The following SCNN1B variants were observed in gnomAD, a reference collection of about 807,000 sequenced individuals.
SCNN1B encodes sodium channel epithelial 1 subunit beta.
SCNN1B carries 46 observed loss-of-function variants against 65.3 expected under a neutral mutation model. That is an observed-to-expected ratio of 0.70 (90% CI 0.56 to 0.90). SCNN1B has a LOEUF of 0.90. Ranked by LOEUF, SCNN1B falls within the 40% of genes least tolerant of loss-of-function variation. SCNN1B has a pLI of 0.00. For synonymous variants in SCNN1B, 349 were observed against 330.6 expected, an observed-to-expected ratio of 1.06 and a Z score of -0.60; for missense variants, 751 against 830.5, an observed-to-expected ratio of 0.90 and a Z score of 1.18.
intron 1 of SCNN1B, among the ~76,000 whole-genome samples, chr16:23,317,513 G>T (rs1961496875): frequency 6.6e-6 from 1 of 152,172 alleles, no homozygotes; most frequent in Non-Finnish European, 1.5e-5. Context: ...GGGAGCTTTT[G>T]TGTGGAACAG....
intron 10 of SCNN1B, 81 bp from the exon 11 acceptor site, chr16:23,378,625 C>G: frequency 7.5e-7 from 1 of 1,330,856 alleles, no homozygotes; most frequent in Non-Finnish European, 1.1e-6. Context: ...GGGCTGTGGT[C>G]TACCTCCCCC....
intron 1 of SCNN1B, among the ~76,000 whole-genome samples, chr16:23,318,961 A>C (rs1224927847): frequency 1.3e-5 from 2 of 152,134 alleles, no homozygotes; most frequent in African/African-American, 4.8e-5. Context: ...GAGATTGTGC[A>C]GGGGTGATTC....
At chr16:23,318,515 A>G (rs1392716248) in intron 1 of SCNN1B, among the ~76,000 whole-genome samples, 1 of 152,236 alleles carries the variant, frequency 6.6e-6, no homozygotes, top group African/African-American at 2.4e-5. Flanking sequence ...AGGCTGAGAC[A>G]GGAGAATTGC....
chr16:23,337,365 T>C (rs760396039), intron 1 of SCNN1B, among the ~76,000 whole-genome samples: 8 of 127,836 alleles, frequency 6.3e-5, no homozygotes, highest in Non-Finnish European at 1.1e-4. Context: ...GGTTTCTTTC[T>C]CTTTCTTTCT....
intron 4 of SCNN1B, among the ~76,000 whole-genome samples, chr16:23,364,634 G>A (rs1335461653): frequency 6.6e-6 from 1 of 152,194 alleles, no homozygotes; most frequent in Non-Finnish European, 1.5e-5. Context: ...ATCCAGACAT[G>A]AGATGCTGGT....
intron 1 of SCNN1B, among the ~76,000 whole-genome samples, chr16:23,278,693 A>G (rs377608033): frequency 1.6e-3 from 235 of 146,282 alleles, no homozygotes; most frequent in African/African-American, 5.5e-3. Flanking sequence ...TGTTCACTTT[A>G]AAATGGTTAA....
At chr16:23,344,850 T>A (rs1462823708) in intron 1 of SCNN1B, among the ~76,000 whole-genome samples, 1 of 152,072 alleles carries the variant, frequency 6.6e-6, no homozygotes, top group African/African-American at 2.4e-5. Flanking sequence ...AAAAATTAGC[T>A]GGGCATGGTG....
rs759896326 is a variant in SCNN1B at position 23,355,418 on chromosome 16, A to G, written c.705A>G (p.Leu235=). 4.3e-6 allele frequency: 7 copies of G among 1,614,182 alleles called. No homozygotes were observed. The highest frequency in any genetic ancestry group is 3.3e-4 in the Middle Eastern group (2 of 6,062). Residue 235 remains leucine (L), a synonymous_variant, in exon 4 of 13, where the codon CTA becomes CTG. Transcript: ENST00000343070. ...TTGCACAGGTGCCACAGCAGGAGCT[A>G]GTAGAGATGAGCTACCCCGGCGAGC... ...NIFAQVPQQE[L]VEMSYPGEQM...
intron 4 of SCNN1B, among the ~76,000 whole-genome samples, chr16:23,357,442 G>A (rs1962443444): frequency 6.6e-6 from 1 of 152,190 alleles, no homozygotes; most frequent in Non-Finnish European, 1.5e-5. Context: ...AATTAACCGG[G>A]AGTGGTGGTG....
chr16:23,377,981 G>A (rs1350722779), intron 10 of SCNN1B, among the ~76,000 whole-genome samples: 2 of 152,112 alleles, frequency 1.3e-5, no homozygotes, highest in African/African-American at 2.4e-5. Context: ...GAGTAACTGC[G>A]GGAAACTACT....
intron 2 of SCNN1B, among the ~76,000 whole-genome samples, chr16:23,349,575 C>T (rs983655514): frequency 1.1e-4 from 17 of 151,982 alleles, no homozygotes; most frequent in African/African-American, 3.1e-4. Context: ...GTTTCCTAGG[C>T]TTAGAGAGAA....
At chr16:23,298,394 C>T (rs982991889), upstream of SCNN1B, among the ~76,000 whole-genome samples, 2 of 152,188 alleles carry the variant, frequency 1.3e-5, no homozygotes, top group African/African-American at 2.4e-5. Context: ...TACCCCATGA[C>T]GGCCAGAGCA....
chr16:23,314,394 T>A (rs75602696), intron 1 of SCNN1B, among the ~76,000 whole-genome samples: 2,301 of 152,280 alleles, frequency 0.015, 59 homozygotes, highest in African/African-American at 0.048. Flanking sequence ...GATTTCAATG[T>A]ATCTTTACAA....
chr16:23,355,586 C>T, intron 4 of SCNN1B, 97 bp downstream of exon 4: 2 of 1,250,984 alleles, frequency 1.6e-6, no homozygotes, highest in Non-Finnish European at 2.3e-6. Flanking sequence ...TCCAATCCTG[C>T]CCAGCCACTT....
chr16:23,357,192 C>T (rs1023761320), intron 4 of SCNN1B, among the ~76,000 whole-genome samples: 33 of 152,340 alleles, frequency 2.2e-4, no homozygotes, highest in Admixed American at 2.0e-3. Context: ...AGCTCACCTC[C>T]GAGGGACTGG....
chr16:23,314,307 C>T (rs913111872), intron 1 of SCNN1B, among the ~76,000 whole-genome samples: 1 of 152,148 alleles, frequency 6.6e-6, no homozygotes, highest in African/African-American at 2.4e-5. Flanking sequence ...GGATTACAGG[C>T]GTGAACTGCC....
At chr16:23,282,261 A>C (rs1170174089) in intron 1 of SCNN1B, among the ~76,000 whole-genome samples, 1 of 152,214 alleles carries the variant, frequency 6.6e-6, no homozygotes, top group African/African-American at 2.4e-5. Context: ...ACAGTGATGG[A>C]ATTAGTACCC....
chr16:23,306,831 A>G (rs1961229429), intron 1 of SCNN1B, among the ~76,000 whole-genome samples: 1 of 152,200 alleles, frequency 6.6e-6, no homozygotes, highest in African/African-American at 2.4e-5. Context: ...GTAGGAGGAA[A>G]GATAGGAAGA....
At chr16:23,343,633 A>AAGAG in intron 1 of SCNN1B, among the ~76,000 whole-genome samples, 1 of 136,450 alleles carries the variant, frequency 7.3e-6, no homozygotes, top group Non-Finnish European at 1.6e-5. Flanking sequence ...GAAAGAAAGA[A>AAGAG]AGAAAGAAAG....
Sources: allele counts gnomAD v4.1 joint callset (sites outside exome capture counted in the v4.1 genomes callset), GRCh38; gene constraint gnomAD v4.1.1; transcripts MANE v1.5; gene names NCBI Gene and HGNC (gene_info 2026-07-23, HGNC 2026-07-21).